The following SBNO2 variants were observed in gnomAD, a reference collection of about 807,000 sequenced individuals.
SBNO2 encodes the protein protein strawberry notch homolog 2.
A neutral mutation model predicts 146.3 loss-of-function variants in SBNO2; 89 were observed. That is an observed-to-expected ratio of 0.61 (90% CI 0.51 to 0.73). The LOEUF is 0.73. Among genes scored for constraint, SBNO2 ranks in the 30% least tolerant of loss-of-function variants. The pLI is 0.00. For synonymous variants in SBNO2, 1,147 were observed against 892.6 expected (o/e 1.29, Z -5.08); for missense variants, 2,092 against 2,003.7 (o/e 1.04, Z -0.84).
At position 1,112,148 on chromosome 19, in the gene SBNO2, G is replaced by A. The variant is rs1030059199; in HGVS notation, c.2628+41C>T. 1.3e-6 allele frequency: 2 copies of A among 1,593,728 alleles called. No homozygotes were observed. Among genetic ancestry groups the A allele is most frequent in the African/African-American group, 1.3e-5 (1 of 74,614 alleles). On this transcript the variant is annotated intron_variant, in intron 22 of 31. Transcript: ENST00000361757. The surrounding 1 kb of genome is among the most constrained non-coding windows in gnomAD (Gnocchi z 5.9). ...CCACAAAGCTTTGGAGAGCCTTCCT[G>A]GGCCTGTCCCTGGTTCTCAGCCCCA...
chr19:1,123,358 T>C (rs1406694913), intron 7 of SBNO2, among the ~76,000 whole-genome samples, 176 bp downstream of exon 7: 1 of 152,148 alleles, frequency 6.6e-6, no homozygotes, highest in Non-Finnish European at 1.5e-5. Context: ...TTCTCCCCTC[T>C]GCGAACCCCG....
intron 2 of SBNO2, among the ~76,000 whole-genome samples, chr19:1,153,919 G>A (rs568402819): frequency 2.0e-4 from 30 of 152,334 alleles, no homozygotes; most frequent in Admixed American, 1.4e-3. Context: ...CGAAGGAACT[G>A]GAAGCTCTGC....
intron 1 of SBNO2, among the ~76,000 whole-genome samples, chr19:1,169,421 G>A (rs2080457000): frequency 6.6e-6 from 1 of 152,230 alleles, no homozygotes; most frequent in African/African-American, 2.4e-5. Context: ...TGGACCACCA[G>A]GCACCCTCAG....
chr19:1,162,569 G>T (rs1233029624), intron 1 of SBNO2, among the ~76,000 whole-genome samples: 1 of 152,080 alleles, frequency 6.6e-6, no homozygotes, highest in Non-Finnish European at 1.5e-5. Context: ...GCAGGAGGCT[G>T]ACGCCCCGGA....
rs919734554 is a variant in SBNO2 at position 1,110,003 on chromosome 19, G to A, written c.3029-226C>T. ...AACCCCGAGCAGGCTGTGGGGGATC[G>A]TGGGAGCCTGGGGGCCGCTCAGGTC... On this transcript the variant is annotated intron_variant, in intron 26 of 31. Coordinates refer to ENST00000361757, the MANE Select transcript of SBNO2 (RefSeq NM_014963.3). The surrounding 1 kb of genome is among the most constrained non-coding windows in gnomAD (Gnocchi z 4.9). Among the ~76,000 whole-genome samples the A allele has an allele frequency of 1.3e-5, 2 of 151,730 alleles. No homozygotes were observed. The highest frequency in any genetic ancestry group is 2.9e-5 in the Non-Finnish European group (2 of 67,912).
At position 1,117,357 on chromosome 19, in the gene SBNO2, A is replaced by G; in HGVS notation, c.1670T>C (p.Val557Ala). 6.3e-7 allele frequency: 1 copy of G among 1,579,716 alleles called. No homozygotes were observed. The highest frequency in any genetic ancestry group is 8.6e-7 in the Non-Finnish European group (1 of 1,164,274). Residue 557 changes from valine (V) to alanine (A), a missense_variant, in exon 15 of 32, where the codon GTG becomes GCG. Transcript: ENST00000361757. ...LCIAAKVRRLVELAREELARD... is the reference protein window; with the variant it reads ...LCIAAKVRRLAELAREELARD... ...CGCCAGCTCCTCTCGGGCCAGCTCC[A>G]CCAGCCGGCGCACCTTGGCTGCGAT...
chr19:1,133,587 G>A (rs893355006), intron 4 of SBNO2, among the ~76,000 whole-genome samples: 1 of 152,218 alleles, frequency 6.6e-6, no homozygotes, highest in African/African-American at 2.4e-5. Context: ...CCTCCTGGAG[G>A]CTGGGCGACA....
intron 15 of SBNO2, 32 bp downstream of exon 15, chr19:1,117,291 G>A (rs753783867): frequency 7.8e-6 from 12 of 1,538,734 alleles, no homozygotes; most frequent in South Asian, 2.4e-5. Flanking sequence ...AGGCCCGGCC[G>A]CCCTCAGCCC....
chr19:1,124,420 G>A (rs963800847), intron 5 of SBNO2, among the ~76,000 whole-genome samples: 1 of 152,180 alleles, frequency 6.6e-6, no homozygotes, highest in African/African-American at 2.4e-5. Context: ...CCAGCCCCAT[G>A]CAGTGCAGGA....
chr19:1,122,621 C>A, intron 9 of SBNO2, 37 bp downstream of exon 9: 3 of 1,508,688 alleles, frequency 2.0e-6, no homozygotes, highest in South Asian at 1.2e-5. Flanking sequence ...CCGCCCCCCA[C>A]CCCCGCTCCC....
rs2080127512 is a variant in SBNO2, at chr19:1,140,721, C to T, written c.279+6588G>A. On this transcript the variant is annotated intron_variant, in intron 4 of 31. Transcript: ENST00000361757. This position sits in a 1 kb window ranked among gnomAD's most constrained non-coding sequence, Gnocchi z 4.4. ...AACAGACGGACGCAGCAGGGATGCC[C>T]GCAGGCAGCTCCCACGGGCAGAGGC... is the stretch of plus-strand genomic sequence containing the variant. Among the ~76,000 whole-genome samples the T allele has an allele frequency of 6.6e-6, 1 of 152,146 alleles. No homozygotes were observed. Among genetic ancestry groups the T allele is most frequent in the South Asian group, 2.1e-4 (1 of 4,834 alleles).
chr19:1,133,872 G>C (rs370764012), intron 4 of SBNO2, among the ~76,000 whole-genome samples: 6 of 152,358 alleles, frequency 3.9e-5, no homozygotes, highest in South Asian at 4.1e-4. Flanking sequence ...CTGAGGACGC[G>C]GGGCAGTGGC....
chr19:1,113,414 G>T, intron 19 of SBNO2, 121 bp downstream of exon 19: 1 of 945,506 alleles, frequency 1.1e-6, no homozygotes, highest in Non-Finnish European at 1.5e-6. Flanking sequence ...CCCCCTCCTC[G>T]CAGGGCCGCG....
intron 4 of SBNO2, among the ~76,000 whole-genome samples, chr19:1,142,225 CTCAATGACCTCCCT>C (rs2080147277): frequency 7.5e-6 from 1 of 132,860 alleles, no homozygotes; most frequent in African/African-American, 2.8e-5. Context: ...TCAACCCTCC[CTCAATGACCTCCCT>C]CACGATCAAC....
chr19:1,117,555 G>A (rs1212631184), intron 14 of SBNO2, 56 bp from the exon 15 acceptor site: 9 of 1,496,586 alleles, frequency 6.0e-6, no homozygotes, highest in Non-Finnish European at 8.0e-6. Context: ...TCCCGACCCG[G>A]GCCCCGGCCC....
Position 1,113,518 on chromosome 19 carries a change from T to A in SBNO2, c.2247+17A>T, listed in dbSNP as rs1292522657. On this transcript the variant is annotated intron_variant, in intron 19 of 31. Coordinates refer to ENST00000361757, the MANE Select transcript of SBNO2 (RefSeq NM_014963.3). ...CATGCCCCGCCCACCACACTCCAGCTGCCACGTCCCACCCACCTCCGCCAC... is the reference window on the plus strand; with the variant it reads ...CATGCCCCGCCCACCACACTCCAGCAGCCACGTCCCACCCACCTCCGCCAC... 1.9e-6 allele frequency: 3 copies of A among 1,579,714 alleles called. No individual in the cohort carries two copies. Among genetic ancestry groups the A allele is most frequent in the Non-Finnish European group, 2.6e-6 (3 of 1,164,592 alleles).
intron 1 of SBNO2, among the ~76,000 whole-genome samples, chr19:1,162,869 G>A (rs764454473): frequency 2.0e-5 from 3 of 152,200 alleles, no homozygotes; most frequent in Non-Finnish European, 4.4e-5. Context: ...GCAGACCATC[G>A]TCCACCCACA....
chr19:1,112,388 G>A lies in SBNO2; in HGVS notation c.2515+14C>T, dbSNP rs2079774898. 3 of 1,593,086 alleles carry A rather than the reference G, an allele frequency of 1.9e-6. No homozygotes were observed. The highest frequency in any genetic ancestry group is 1.3e-5 in the African/African-American group (1 of 74,594). ...GGCGGGGCCAGGCAGCGCTGGGGGC[G>A]GGGCCGGACTCACCGAACTGCTGGA... is the stretch of plus-strand genomic sequence containing the variant. On this transcript the variant is annotated intron_variant, in intron 21 of 31. Coordinates refer to ENST00000361757, the MANE Select transcript of SBNO2 (RefSeq NM_014963.3). The surrounding 1 kb of genome is among the most constrained non-coding windows in gnomAD (Gnocchi z 5.9).
chr19:1,139,303 C>A (rs1057195975), intron 4 of SBNO2, among the ~76,000 whole-genome samples: 3 of 151,814 alleles, frequency 2.0e-5, no homozygotes, highest in African/African-American at 7.3e-5. Flanking sequence ...GCCACAGAGA[C>A]GGGAAGGGGA....
Sources: allele counts gnomAD v4.1 joint callset (sites outside exome capture counted in the v4.1 genomes callset), GRCh38; gene constraint gnomAD v4.1.1; non-coding constraint Gnocchi (gnomAD v3.1); transcripts MANE v1.5; gene names NCBI Gene and HGNC (gene_info 2026-07-23, HGNC 2026-07-21).